Variants in TAFA2 observed in about 807,000 individuals in gnomAD.
TAFA2 encodes the protein TAFA chemokine like family member 2.
TAFA2 carries 7 observed loss-of-function variants against 18.8 expected under a neutral mutation model. The ratio of observed to expected loss-of-function variants is 0.37; its 90% confidence interval spans 0.21 to 0.70. The LOEUF is 0.70. Among genes scored for constraint, TAFA2 ranks in the 30% least tolerant of loss-of-function variants. The probability of loss-of-function intolerance (pLI) is 0.53; values close to 1 mark genes in which losing one functional copy is unlikely to be tolerated. For missense variants in TAFA2, 122 were observed against 158.1 expected, an observed-to-expected ratio of 0.77 and a Z score of 1.23; for synonymous variants, 60 against 54.2, an observed-to-expected ratio of 1.11 and a Z score of -0.47.
chr12:62,085,414 A>G (rs1355698484), intron 1 of TAFA2, among the ~76,000 whole-genome samples: 1 of 152,198 alleles, frequency 6.6e-6, no homozygotes, highest in Non-Finnish European at 1.5e-5. Flanking sequence ...TGTTTACAAA[A>G]GAAGCAAAAG....
At chr12:62,133,092 T>C (rs1475625269) in intron 1 of TAFA2, among the ~76,000 whole-genome samples, 2 of 151,940 alleles carry the variant, frequency 1.3e-5, no homozygotes, top group Non-Finnish European at 2.9e-5. Flanking sequence ...TCATCCACTA[T>C]ATGTCAATTT....
chr12:61,730,434 T>C lies in TAFA2; in HGVS notation c.385-20017A>G, dbSNP rs76629285. Among the ~76,000 whole-genome samples the C allele has an allele frequency of 3.4e-4, 52 of 152,142 alleles. No individual in the cohort carries two copies. In the East Asian group the frequency reaches 9.5e-3, roughly 28 times the overall value. On this transcript the variant is annotated intron_variant, in intron 4 of 4. Coordinates refer to ENST00000416284, the MANE Select transcript of TAFA2 (RefSeq NM_178539.5). The stretch of plus-strand genomic sequence containing the variant: ...CTTGCCCTCAGGTCTCCTGAATAAG[T>C]ATTGGGTTTCTCAGGCAATGGGTGG...
intron 2 of TAFA2, among the ~76,000 whole-genome samples, chr12:61,771,257 A>G (rs1487421568): frequency 6.6e-6 from 1 of 151,380 alleles, no homozygotes; most frequent in African/African-American, 2.4e-5. Flanking sequence ...AACAATTACT[A>G]CTAGGCATAA....
intron 1 of TAFA2, among the ~76,000 whole-genome samples, chr12:61,897,074 G>C (rs1875879298): frequency 6.6e-6 from 1 of 151,970 alleles, no homozygotes; most frequent in South Asian, 2.1e-4. Context: ...AAAATAATAA[G>C]ACAAATATGA....
At chr12:61,864,511 C>T (rs564477063) in intron 2 of TAFA2, among the ~76,000 whole-genome samples, 2 of 151,238 alleles carry the variant, frequency 1.3e-5, no homozygotes, top group South Asian at 4.2e-4. Flanking sequence ...CTATCAAAAG[C>T]TTGCAGATTC....
intron 1 of TAFA2, among the ~76,000 whole-genome samples, chr12:61,881,463 A>C (rs1434977155): frequency 1.3e-5 from 2 of 152,178 alleles, no homozygotes; most frequent in South Asian, 4.1e-4. Flanking sequence ...GTGCAGTAAA[A>C]ATAGCATATT....
chr12:62,138,403 C>T (rs1209908133), intron 1 of TAFA2, among the ~76,000 whole-genome samples: 1 of 152,166 alleles, frequency 6.6e-6, no homozygotes, highest in Admixed American at 6.5e-5. Flanking sequence ...TAATAGCACT[C>T]ATATGCTTAT....
intron 1 of TAFA2, among the ~76,000 whole-genome samples, chr12:62,178,013 A>T (rs2062525384): frequency 6.6e-6 from 1 of 152,144 alleles, no homozygotes; most frequent in South Asian, 2.1e-4. Context: ...CCTCAAAGAG[A>T]CCACAGTTAG....
chr12:61,788,233 C>T (rs12313015), intron 2 of TAFA2, among the ~76,000 whole-genome samples: 6,889 of 151,626 alleles, frequency 0.045, 493 homozygotes, highest in African/African-American at 0.16. Flanking sequence ...AATGGAGAGA[C>T]AGACTGCAAC....
chr12:61,935,043 A>C (rs1469172526), intron 1 of TAFA2, among the ~76,000 whole-genome samples: 1 of 152,206 alleles, frequency 6.6e-6, no homozygotes, highest in Non-Finnish European at 1.5e-5. Flanking sequence ...TGAAATTACT[A>C]ATTATTGACT....
chr12:61,721,323 G>A (rs1869887482), intron 4 of TAFA2, among the ~76,000 whole-genome samples: 1 of 152,140 alleles, frequency 6.6e-6, no homozygotes, highest in Non-Finnish European at 1.5e-5. Context: ...TAAAATAACT[G>A]TAGAAACAAT....
chr12:61,880,977 C>A (rs1875107768), intron 1 of TAFA2, among the ~76,000 whole-genome samples: 1 of 151,684 alleles, frequency 6.6e-6, no homozygotes. Flanking sequence ...TTTTTTTTTC[C>A]AAAATAAACC....
intron 1 of TAFA2, among the ~76,000 whole-genome samples, chr12:61,985,134 C>T (rs1393333533): frequency 6.6e-6 from 1 of 152,106 alleles, no homozygotes; most frequent in Non-Finnish European, 1.5e-5. Context: ...TGATATCTGA[C>T]ATAAGAGAAG....
chr12:62,122,859 TG>T (rs1013823682), intron 1 of TAFA2, among the ~76,000 whole-genome samples: 5 of 152,262 alleles, frequency 3.3e-5, no homozygotes, highest in Admixed American at 3.3e-4. Context: ...AATCCCACAC[TG>T]TGACCTGCAG....
intron 1 of TAFA2, among the ~76,000 whole-genome samples, chr12:62,026,856 C>T (rs1881324285): frequency 6.6e-6 from 1 of 152,062 alleles, no homozygotes; most frequent in Admixed American, 6.6e-5. Context: ...ATCACTTATG[C>T]GGCAATATTA....
intron 1 of TAFA2, among the ~76,000 whole-genome samples, chr12:61,931,271 A>C (rs1334141093): frequency 6.6e-6 from 1 of 152,216 alleles, no homozygotes; most frequent in East Asian, 1.9e-4. Context: ...CCCAAAAATT[A>C]AACCTCATGC....
At chr12:61,845,153 G>C (rs913899053) in intron 2 of TAFA2, among the ~76,000 whole-genome samples, 1 of 152,108 alleles carries the variant, frequency 6.6e-6, no homozygotes, top group African/African-American at 2.4e-5. Context: ...GCAATTAGTT[G>C]AGTTGGCATT....
intron 1 of TAFA2, among the ~76,000 whole-genome samples, chr12:61,928,932 C>T (rs1245901375): frequency 1.3e-5 from 2 of 152,112 alleles, no homozygotes; most frequent in Non-Finnish European, 2.9e-5. Context: ...ATCACATGTT[C>T]TCACTCAAAA....
rs542383920 is a variant in TAFA2 at position 61,975,699 on chromosome 12, A to G, written c.-1-108273T>C. The stretch of plus-strand genomic sequence containing the variant: ...AATTCTACTTATTGTAATCTTACCC[A>G]AAACATCAACAGGGACCCATCTGAT... On this transcript the variant is annotated intron_variant, in intron 1 of 4. Transcript: ENST00000416284. Among the ~76,000 whole-genome samples the G allele has an allele frequency of 3.5e-3, 538 of 151,956 alleles. 1 individual carries two copies. Among genetic ancestry groups the G allele is most frequent in the Non-Finnish European group, 6.3e-3 (429 of 67,882 alleles).
Sources: gnomAD v4.1 joint callset for allele counts (sites outside exome capture counted in the v4.1 genomes callset) on GRCh38, gnomAD v4.1.1 for gene constraint, MANE v1.5 for transcripts, NCBI Gene and HGNC (gene_info 2026-07-23, HGNC 2026-07-21) for gene names.